RAB26: variants seen among roughly 807,000 people sequenced by gnomAD.
RAB26 encodes ras-related protein Rab-26.
In RAB26, 39 loss-of-function variants were observed where a neutral mutation model predicts 33.1. That is an observed-to-expected ratio of 1.18 (90% CI 0.91 to 1.54). The LOEUF (loss-of-function observed/expected upper bound fraction) is 1.54. RAB26 is among the 40% of genes most tolerant of loss of function. RAB26 has a pLI of 0.00. For synonymous variants in RAB26, 192 were observed against 151.9 expected, an observed-to-expected ratio of 1.26 and a Z score of -1.94; for missense variants, 468 against 362.9, an observed-to-expected ratio of 1.29 and a Z score of -2.35.
At position 2,153,711 on chromosome 16, in the gene RAB26, G is replaced by C. The variant is rs758450672; in HGVS notation, c.*290G>C. On this transcript the variant is annotated 3_prime_UTR_variant, in exon 9 of 9. Coordinates refer to ENST00000210187, the MANE Select transcript of RAB26 (RefSeq NM_014353.5). ...ACGGTGCTCTGCTGCCCCCTCCTGG[G>C]CACGTCCAGGTGAGGGAGGGCTGGG... is the stretch of plus-strand genomic sequence containing the variant. 33 of 592,924 alleles carry C rather than the reference G, an allele frequency of 5.6e-5. No homozygotes were observed. The highest frequency in any genetic ancestry group is 5.0e-4 in the South Asian group (33 of 65,794). 36.7% of individuals were successfully genotyped at this position (592,924 alleles called of 1,614,324 possible). A position where few individuals can be genotyped will look rare whatever the true frequency, so the allele number is the denominator to read the frequency against.
chr16:2,149,112 G>A (rs998849996), intron 1 of RAB26, 134 bp downstream of exon 1: 1 of 924,846 alleles, frequency 1.1e-6, no homozygotes, highest in African/African-American at 1.7e-5. Context: ...ACCCCGTGGG[G>A]CTTGCACGGT....
At chr16:2,149,003 GC>G in intron 1 of RAB26, 25 bp downstream of exon 1, 2 of 1,267,978 alleles carry the variant, frequency 1.6e-6, no homozygotes, top group African/African-American at 1.5e-5. Context: ...CGCCCCCCAG[GC>G]CAGCGCAGCA....
At chr16:2,149,087 G>A (rs2092995937) in intron 1 of RAB26, 109 bp downstream of exon 1, 1 of 1,134,170 alleles carries the variant, frequency 8.8e-7, no homozygotes, top group Admixed American at 4.3e-5. Context: ...AGGGCGCGGA[G>A]CCGACGCGGG....
intron 5 of RAB26, among the ~76,000 whole-genome samples, chr16:2,152,402 T>G (rs1162102187): frequency 1.3e-5 from 2 of 151,012 alleles, no homozygotes. Flanking sequence ...CTGGGCATGG[T>G]GGCTCACACC....
intron 2 of RAB26, among the ~76,000 whole-genome samples, chr16:2,150,347 T>G (rs2093000770): frequency 1.3e-5 from 2 of 152,266 alleles, no homozygotes; most frequent in Non-Finnish European, 2.9e-5. Flanking sequence ...GGGCCAGCAG[T>G]GCTGCCTCGG....
At chr16:2,148,600 G>C (rs2092993502), upstream of RAB26, 1 of 222,674 alleles carries the variant, frequency 4.5e-6, no homozygotes, top group Admixed American at 6.7e-5. Context: ...GAGTGGCTGC[G>C]CGCCCGTGGA....
Position 2,152,693 on chromosome 16 carries a change from C to CAAAA in RAB26, c.469-107_469-104dup, listed in dbSNP as rs58347017. 1.2e-3 allele frequency: 433 copies of CAAAA among 349,294 alleles called. 1 individual carries two copies. Among genetic ancestry groups the CAAAA allele is most frequent in the South Asian group, 2.2e-3 (66 of 29,590 alleles). The allele number at this position is 349,294 out of a possible 1,614,324, so 21.6% of individuals were successfully genotyped here. A position where few individuals can be genotyped will look rare whatever the true frequency, so the allele number is the denominator to read the frequency against. On this transcript the variant is annotated intron_variant, in intron 5 of 8. Transcript: ENST00000210187. ...GGGAAACAGGGCGAGACTCTTGTCT[C>CAAAA]AAAAAAAAAAAAAAAAAAAAAAAGA...
chr16:2,153,138 G>A lies in RAB26; in HGVS notation c.592-8G>A. 1 of 1,613,788 alleles carries A rather than the reference G, an allele frequency of 6.2e-7. No homozygotes were observed. Among genetic ancestry groups the A allele is most frequent in the Non-Finnish European group, 8.5e-7 (1 of 1,180,022 alleles). ...GGCCACCACCTGGCTGGCAGCAGCTGTTTACAGGAGTATGGACTGCCCTTC... is the reference window on the plus strand; with the variant it reads ...GGCCACCACCTGGCTGGCAGCAGCTATTTACAGGAGTATGGACTGCCCTTC... On this transcript the variant is annotated splice_polypyrimidine_tract_variant and splice_region_variant and intron_variant, in intron 7 of 8. Coordinates refer to ENST00000210187, the MANE Select transcript of RAB26 (RefSeq NM_014353.5).
In RAB26 at chr16:2,148,896, C is replaced by T; in HGVS notation, c.113C>T (p.Pro38Leu). ...PARSGTALSG[P>L]DAPPNGPLQP... ...CGCTCCGGGACTGCGCTTTCCGGCC[C>T]CGACGCGCCGCCCAACGGGCCCTTG... Residue 38 changes from proline (P) to leucine (L), a missense_variant, in exon 1 of 9, where the codon CCC (proline) becomes CTC (leucine). Transcript: ENST00000210187. The T allele has an allele frequency of 7.4e-7, 1 of 1,348,306 alleles. No individual in the cohort carries two copies. 83.5% of individuals were successfully genotyped at this position (1,348,306 alleles called of 1,614,324 possible).
chr16:2,150,015 G>A lies in RAB26; in HGVS notation c.270G>A (p.Ala90=), dbSNP rs528023993. The change falls in exon 2 of 9, where the codon GCG becomes GCA. Residue 90 remains alanine, a synonymous_variant. Coordinates refer to ENST00000210187, the MANE Select transcript of RAB26 (RefSeq NM_014353.5). ...LVRFKDGAFL[A]GTFISTVGID... is the part of the protein sequence containing the mutation. ...GATTCAAGGATGGTGCTTTCCTGGC[G>A]GGGACCTTCATCTCCACCGTAGGCA... The A allele has an allele frequency of 9.1e-6, 14 of 1,544,848 alleles. No homozygotes were observed. The highest frequency in any genetic ancestry group is 6.0e-5 in the Admixed American group (3 of 50,216).
Position 2,153,004 on chromosome 16 carries a change from G to A in RAB26, c.550G>A (p.Glu184Lys). ...CCTGGGCCAGGTGGACTCTGCCCAT[G>A]AGCGTGTGGTGAAGAGGGAGGACGG... Reference protein sequence around the residue: ...LLGNKVDSAHERVVKREDGEK... With the variant: ...LLGNKVDSAHKRVVKREDGEK... Residue 184 changes from glutamate to lysine, a missense_variant, in exon 7 of 9, where the codon GAG (glutamate) becomes AAG (lysine). Glu to Lys is a moderately conservative substitution (Grantham distance 56). Coordinates refer to ENST00000210187, the MANE Select transcript of RAB26 (RefSeq NM_014353.5). 6.3e-7 allele frequency: 1 copy of A among 1,595,484 alleles called. No individual in the cohort carries two copies.
At chr16:2,150,855 ACT>A (rs1188848634) in intron 2 of RAB26, among the ~76,000 whole-genome samples, 2 of 152,144 alleles carry the variant, frequency 1.3e-5, no homozygotes, top group Non-Finnish European at 2.9e-5. Context: ...ACCCAGAAGC[ACT>A]CTGACAGCAG....
In RAB26 at chr16:2,153,835, A is replaced by G. The variant is rs1462611317; in HGVS notation, c.*414A>G. 2 of 462,146 alleles carry G rather than the reference A, an allele frequency of 4.3e-6. No homozygotes were observed. The highest frequency in any genetic ancestry group is 3.1e-5 in the South Asian group (2 of 64,608). The allele number at this position is 462,146 out of a possible 1,614,324, so 28.6% of individuals were successfully genotyped here. A position where few individuals can be genotyped will look rare whatever the true frequency, so the allele number is the denominator to read the frequency against. On this transcript the variant is annotated 3_prime_UTR_variant, in exon 9 of 9. Coordinates refer to ENST00000210187, the MANE Select transcript of RAB26 (RefSeq NM_014353.5). ...GGACGCCTGCCCACGCCTGGGACAG[A>G]AGGCTTCACTGCTAATCACATCGTG... is the stretch of plus-strand genomic sequence containing the variant.
Position 2,151,396 on chromosome 16 carries a change from A to G in RAB26, c.307-173A>G, listed in dbSNP as rs1298803974. 3 of 770,214 alleles carry G rather than the reference A, an allele frequency of 3.9e-6. No individual in the cohort carries two copies. In the African/African-American group the frequency reaches 5.1e-5, roughly 13 times the overall value. 47.7% of individuals were successfully genotyped at this position (770,214 alleles called of 1,614,324 possible). A position where few individuals can be genotyped will look rare whatever the true frequency, so the allele number is the denominator to read the frequency against. On this transcript the variant is annotated intron_variant, in intron 2 of 8. Transcript: ENST00000210187. ...CAGGAATAGTGCAGAGGCTGCCGGG[A>G]GAGGCCTGCACTTGCAGGTGTGGGT...
chr16:2,151,160 T>C, intron 2 of RAB26: 1 of 465,080 alleles, frequency 2.2e-6, no homozygotes. Flanking sequence ...CTGGCTGGAG[T>C]GCAGTGGTGA....
intron 2 of RAB26, chr16:2,151,208 C>T (rs1298546390): frequency 2.0e-6 from 1 of 492,504 alleles, no homozygotes; most frequent in Non-Finnish European, 4.0e-6. Flanking sequence ...TGGGTTCAAG[C>T]CATCCTGAGT....
At chr16:2,150,090 C>G (rs951591397) in intron 2 of RAB26, 39 bp downstream of exon 2, 1 of 1,493,124 alleles carries the variant, frequency 6.7e-7, no homozygotes, top group African/African-American at 1.4e-5. Flanking sequence ...ATCAGAGTCC[C>G]GCCGGTACCC....
chr16:2,150,090 C>T (rs951591397), intron 2 of RAB26, 39 bp downstream of exon 2: 29 of 1,493,124 alleles, frequency 1.9e-5, no homozygotes, highest in African/African-American at 7.1e-5. Context: ...ATCAGAGTCC[C>T]GCCGGTACCC....
intron 1 of RAB26, among the ~76,000 whole-genome samples, 200 bp downstream of exon 1, chr16:2,149,178 G>A (rs2092996138): frequency 1.3e-5 from 2 of 152,042 alleles, no homozygotes; most frequent in African/African-American, 4.8e-5. Flanking sequence ...CAGCTGGCAG[G>A]GCCTGTCCCC....
Sources: gnomAD v4.1 joint callset for allele counts (sites outside exome capture counted in the v4.1 genomes callset) on GRCh38, gnomAD v4.1.1 for gene constraint, MANE v1.5 for transcripts, NCBI Gene and HGNC (gene_info 2026-07-23, HGNC 2026-07-21) for gene names.